LRP1B: variants seen among roughly 807,000 people sequenced by gnomAD.
The protein encoded by LRP1B is low-density lipoprotein receptor-related protein 1B.
A neutral mutation model predicts 556.6 loss-of-function variants in LRP1B; 217 were observed. That is an observed-to-expected ratio of 0.39 (90% CI 0.35 to 0.44). The LOEUF is 0.44. Ranked by LOEUF, LRP1B falls within the 20% of genes least tolerant of loss-of-function variation. The pLI, the probability that LRP1B is intolerant of heterozygous loss-of-function variation, is 1.00. For missense variants in LRP1B, 5,053 were observed against 5,620.8 expected, an observed-to-expected ratio of 0.90 and a Z score of 3.23; for synonymous variants, 2,047 against 1,865.8, an observed-to-expected ratio of 1.10 and a Z score of -2.50.
chr2:140,720,867 A>G (rs1436516314), intron 35 of LRP1B, among the ~76,000 whole-genome samples: 2 of 152,112 alleles, frequency 1.3e-5, no homozygotes, highest in African/African-American at 4.8e-5. Context: ...ATATATGCTT[A>G]CCATGATGCT....
At chr2:141,198,483 A>C (rs567578006) in intron 6 of LRP1B, among the ~76,000 whole-genome samples, 1 of 152,144 alleles carries the variant, frequency 6.6e-6, no homozygotes, top group African/African-American at 2.4e-5. Flanking sequence ...AAAGCTCTAC[A>C]TAGAACCTGT....
chr2:141,476,947 A>G (rs1682728741), intron 3 of LRP1B, among the ~76,000 whole-genome samples: 1 of 152,204 alleles, frequency 6.6e-6, no homozygotes, highest in African/African-American at 2.4e-5. Context: ...AACATGGAGA[A>G]ACTCCATTTC....
At chr2:141,822,096 C>A (rs924076300) in intron 1 of LRP1B, among the ~76,000 whole-genome samples, 1 of 79,966 alleles carries the variant, frequency 1.3e-5, no homozygotes, top group Non-Finnish European at 2.5e-5. Flanking sequence ...AATACATACA[C>A]ACACACACAC....
At chr2:141,410,812 G>C (rs1690824088) in intron 3 of LRP1B, among the ~76,000 whole-genome samples, 1 of 151,830 alleles carries the variant, frequency 6.6e-6, no homozygotes, top group South Asian at 2.1e-4. Flanking sequence ...GGTCATCATA[G>C]TTTTTAGAAA....
chr2:141,068,677 G>C (rs1699551262), intron 7 of LRP1B, among the ~76,000 whole-genome samples: 1 of 151,548 alleles, frequency 6.6e-6, no homozygotes, highest in Non-Finnish European at 1.5e-5. Context: ...CAGTTTGCTT[G>C]TCTGTGTCTG....
At chr2:141,166,845 CTT>C (rs35573450) in intron 7 of LRP1B, among the ~76,000 whole-genome samples, 3,804 of 151,126 alleles carry the variant, frequency 0.025, 163 homozygotes, top group African/African-American at 0.088. Flanking sequence ...CAATTAAACT[CTT>C]TTGATTTAAT....
intron 3 of LRP1B, among the ~76,000 whole-genome samples, chr2:141,444,640 G>A (rs1226670032): frequency 6.6e-6 from 1 of 152,064 alleles, no homozygotes; most frequent in African/African-American, 2.4e-5. Flanking sequence ...GTATGAAGGT[G>A]TGTTGAATTT....
intron 6 of LRP1B, among the ~76,000 whole-genome samples, chr2:141,213,356 A>G (rs1351884945): frequency 6.6e-6 from 1 of 152,234 alleles, no homozygotes; most frequent in Admixed American, 6.5e-5. Flanking sequence ...TAACGTAATT[A>G]TTCAGGTTCT....
At chr2:140,730,268 T>C (rs981985595) in intron 35 of LRP1B, among the ~76,000 whole-genome samples, 1 of 152,184 alleles carries the variant, frequency 6.6e-6, no homozygotes, top group African/African-American at 2.4e-5. Context: ...AGCTGTAAGA[T>C]GCAAATCAGA....
At chr2:141,112,867 A>C (rs1700789864) in intron 7 of LRP1B, among the ~76,000 whole-genome samples, 3 of 152,210 alleles carry the variant, frequency 2.0e-5, no homozygotes, top group African/African-American at 7.2e-5. Flanking sequence ...ATTAAGCTGC[A>C]TTTTTTTAAA....
At chr2:141,091,491 G>C (rs1379105747) in intron 7 of LRP1B, among the ~76,000 whole-genome samples, 1 of 152,320 alleles carries the variant, frequency 6.6e-6, no homozygotes, top group Middle Eastern at 3.4e-3. Context: ...CACGTGCACA[G>C]TGATTTTCTC....
chr2:140,643,335 T>G (rs549721446), intron 41 of LRP1B, among the ~76,000 whole-genome samples: 1 of 152,164 alleles, frequency 6.6e-6, no homozygotes, highest in Non-Finnish European at 1.5e-5. Flanking sequence ...TACACTTCAT[T>G]GTTTATATTT....
intron 1 of LRP1B, among the ~76,000 whole-genome samples, chr2:141,859,854 G>T (rs1177096046): frequency 6.6e-6 from 1 of 152,044 alleles, no homozygotes; most frequent in Non-Finnish European, 1.5e-5. Context: ...GGTATTTTGT[G>T]TGATTTCTTT....
chr2:141,923,579 G>A (rs1174389817), intron 1 of LRP1B, among the ~76,000 whole-genome samples: 1 of 148,286 alleles, frequency 6.7e-6, no homozygotes, highest in Non-Finnish European at 1.5e-5. Context: ...ATTTCCAGTT[G>A]CCCTATATGG....
At chr2:141,533,337 G>C (rs201460355) in intron 2 of LRP1B, among the ~76,000 whole-genome samples, 3 of 99,878 alleles carry the variant, frequency 3.0e-5, no homozygotes, top group African/African-American at 6.0e-5. Flanking sequence ...TTTTTATAGA[G>C]AGAAAGCAAG....
At chr2:141,851,408 T>C (rs1026055005) in intron 1 of LRP1B, among the ~76,000 whole-genome samples, 5 of 151,848 alleles carry the variant, frequency 3.3e-5, no homozygotes, top group Admixed American at 6.6e-5. Flanking sequence ...TATTTCCTAT[T>C]CTGCTATACA....
intron 1 of LRP1B, among the ~76,000 whole-genome samples, chr2:141,977,433 A>G (rs1701917347): frequency 6.6e-6 from 1 of 151,946 alleles, no homozygotes; most frequent in East Asian, 1.9e-4. Context: ...TTATCCAGGA[A>G]TGCTTGTAAT....
In LRP1B at chr2:141,229,184, G is replaced by A. The variant is rs1683365751; in HGVS notation, c.849C>T (p.His283=). Residue 283 remains histidine (H), a splice_region_variant and synonymous_variant, in exon 6 of 91, where the codon CAC becomes CAT. Transcript: ENST00000389484. Reference sequence around the variant, plus strand: ...ATAATATTTAATTGAAACACTTACTGTGGAAGGATTGAAGAATATTGATTG... The same window carrying A: ...ATAATATTTAATTGAAACACTTACTATGGAAGGATTGAAGAATATTGATTG... ...EWTINILQSF[H]NVQQMAIDWL... 6.2e-7 allele frequency: 1 copy of A among 1,612,756 alleles called. No homozygotes were observed. Among genetic ancestry groups the A allele is most frequent in the South Asian group, 1.1e-5 (1 of 90,952 alleles).
At chr2:141,973,580 G>A (rs1292454848) in intron 1 of LRP1B, among the ~76,000 whole-genome samples, 2 of 151,566 alleles carry the variant, frequency 1.3e-5, no homozygotes, top group East Asian at 3.9e-4. Context: ...AGGCACTGGG[G>A]GTACAAAGAT....
Sources: gnomAD v4.1 joint callset for allele counts (sites outside exome capture counted in the v4.1 genomes callset) on GRCh38, gnomAD v4.1.1 for gene constraint, MANE v1.5 for transcripts, NCBI Gene and HGNC (gene_info 2026-07-23, HGNC 2026-07-21) for gene names.